The following SLC4A10 variants were observed in gnomAD, a reference collection of about 807,000 sequenced individuals.
The protein encoded by SLC4A10 is sodium-driven chloride bicarbonate exchanger.
SLC4A10 carries 42 observed loss-of-function variants against 137.7 expected under a neutral mutation model. The observed-to-expected ratio is 0.30, with a 90% CI of 0.24 to 0.39. The LOEUF is 0.39. Among genes scored for constraint, SLC4A10 ranks in the 10% least tolerant of loss-of-function variants. The pLI, the probability that SLC4A10 is intolerant of heterozygous loss-of-function variation, is 1.00. For missense variants in SLC4A10, 925 were observed against 1,355.0 expected, an observed-to-expected ratio of 0.68 and a Z score of 4.98; for synonymous variants, 474 against 464.1, an observed-to-expected ratio of 1.02 and a Z score of -0.27.
chr2:161,667,906 T>A (rs898129853), intron 1 of SLC4A10, among the ~76,000 whole-genome samples: 1 of 151,832 alleles, frequency 6.6e-6, no homozygotes, highest in East Asian at 1.9e-4. Context: ...AATTAATTCT[T>A]GTTTAAAATA....
At chr2:161,933,114 CTT>C (rs1690720858) in intron 15 of SLC4A10, among the ~76,000 whole-genome samples, 1 of 119,370 alleles carries the variant, frequency 8.4e-6, no homozygotes, top group South Asian at 3.0e-4. Flanking sequence ...CTTTCTTTCT[CTT>C]TCTTTCCTGC....
chr2:161,892,216 C>T (rs151145288), intron 10 of SLC4A10, among the ~76,000 whole-genome samples: 2 of 152,056 alleles, frequency 1.3e-5, no homozygotes, highest in East Asian at 1.9e-4. Context: ...AATGTGATCT[C>T]GCAAAGCAGT....
intron 1 of SLC4A10, among the ~76,000 whole-genome samples, chr2:161,692,264 T>C (rs1055434162): frequency 2.0e-5 from 3 of 152,142 alleles, no homozygotes; most frequent in South Asian, 2.1e-4. Context: ...TTTATGTAGA[T>C]ATATAGAAAT....
intron 1 of SLC4A10, among the ~76,000 whole-genome samples, chr2:161,759,225 A>G (rs1388253587): frequency 2.6e-5 from 4 of 151,986 alleles, no homozygotes; most frequent in African/African-American, 9.7e-5. Flanking sequence ...AACTGTGTAT[A>G]TTCAAGGTGT....
chr2:161,733,861 G>A (rs887283868), intron 1 of SLC4A10, among the ~76,000 whole-genome samples: 2 of 152,202 alleles, frequency 1.3e-5, no homozygotes, highest in African/African-American at 2.4e-5. Context: ...TGACCTGGAT[G>A]TGAGACATGG....
rs140528716 is a variant in SLC4A10 at position 161,693,405 on chromosome 2, A to G, written c.48+68839A>G. ...ATAAAAGTGATGGTTAAAAGTATGG[A>G]TCTGAAATTTCAGGTTTAAACTGTT... On this transcript the variant is annotated intron_variant, in intron 1 of 26. Transcript: ENST00000446997. 5.3e-5 allele frequency among the ~76,000 whole-genome samples: 8 copies of G among 152,206 alleles called. No homozygotes were observed. The East Asian group carries it at 1.4e-3, about 26-fold the overall frequency.
In SLC4A10 at chr2:161,839,852, C is replaced by A; in HGVS notation, c.341C>A (p.Pro114His). ...GTEDDDEEHI[P>H]HDLFTELDEI... ...GAGGATGATGACGAGGAACACATTC[C>A]TCATGACCTTTTCACAGAACTGGAT... Residue 114 changes from proline to histidine, a missense_variant, in exon 4 of 27, where the codon CCT becomes CAT. Around this residue, in one of 11 missense-constraint regions of SLC4A10, gnomAD observed 138 missense variants for 171.3 expected, o/e 0.81. Coordinates refer to ENST00000446997, the MANE Select transcript of SLC4A10 (RefSeq NM_001178015.2). 3.1e-6 allele frequency: 5 copies of A among 1,613,886 alleles called. No individual in the cohort carries two copies. Among genetic ancestry groups the A allele is most frequent in the Non-Finnish European group, 4.2e-6 (5 of 1,179,860 alleles).
chr2:161,872,087 T>C (rs569766866), intron 6 of SLC4A10, among the ~76,000 whole-genome samples: 4 of 152,184 alleles, frequency 2.6e-5, no homozygotes, highest in African/African-American at 7.2e-5. Flanking sequence ...TATGTTTATT[T>C]TTTACTGAAT....
intron 1 of SLC4A10, among the ~76,000 whole-genome samples, chr2:161,767,137 A>G (rs372170915): frequency 0.16 from 13,970 of 85,444 alleles, 1,350 homozygotes; most frequent in African/African-American, 0.27. Context: ...ATATATATAT[A>G]TATGTGTGTG....
At chr2:161,977,611 A>G (rs1699587840) in intron 25 of SLC4A10, 111 bp from the exon 26 acceptor site, 1 of 832,758 alleles carries the variant, frequency 1.2e-6, no homozygotes, top group South Asian at 2.0e-5. Context: ...TTTGTTAGAG[A>G]GTGATTGAGG....
chr2:161,779,683 T>G (rs1342243542), intron 2 of SLC4A10, among the ~76,000 whole-genome samples: 1 of 151,996 alleles, frequency 6.6e-6, no homozygotes, highest in Non-Finnish European at 1.5e-5. Context: ...GTCCTCTACT[T>G]TCTAATATTT....
At chr2:161,786,952 A>G (rs1363084583) in intron 2 of SLC4A10, among the ~76,000 whole-genome samples, 2 of 148,856 alleles carry the variant, frequency 1.3e-5, no homozygotes, top group African/African-American at 4.9e-5. Context: ...TAATTGCTTT[A>G]TAGGATCTTT....
At chr2:161,695,508 A>G (rs1449922072) in intron 1 of SLC4A10, among the ~76,000 whole-genome samples, 1 of 152,146 alleles carries the variant, frequency 6.6e-6, no homozygotes, top group East Asian at 1.9e-4. Context: ...TTACACTGAT[A>G]TCAACTCTTA....
chr2:161,888,795 G>A (rs543852389), intron 10 of SLC4A10, among the ~76,000 whole-genome samples: 2 of 152,226 alleles, frequency 1.3e-5, no homozygotes, highest in South Asian at 4.1e-4. Flanking sequence ...TTCCCTGGTT[G>A]TCCTGGCCAG....
At chr2:161,708,625 T>C (rs1022421768) in intron 1 of SLC4A10, 25 of 1,417,988 alleles carry the variant, frequency 1.8e-5, no homozygotes, top group East Asian at 2.5e-5. Flanking sequence ...TATATGTGAT[T>C]TGATATCTTG....
At chr2:161,843,771 C>T (rs2059333759) in intron 4 of SLC4A10, among the ~76,000 whole-genome samples, 1 of 151,950 alleles carries the variant, frequency 6.6e-6, no homozygotes, top group Non-Finnish European at 1.5e-5. Flanking sequence ...ATTAGTATTC[C>T]AGATGGGATT....
At chr2:161,809,469 G>T (rs1443608773) in intron 3 of SLC4A10, among the ~76,000 whole-genome samples, 2 of 152,046 alleles carry the variant, frequency 1.3e-5, no homozygotes. Context: ...GTTGGGAAGG[G>T]TATTTCCTAA....
chr2:161,796,232 A>G (rs62190670), intron 2 of SLC4A10, among the ~76,000 whole-genome samples: 10,114 of 152,222 alleles, frequency 0.066, 441 homozygotes, highest in East Asian at 0.15. Context: ...TTCCAAACGC[A>G]GTGGCTTCAA....
chr2:161,983,278 G>A lies in SLC4A10; in HGVS notation c.*126G>A, dbSNP rs1230199351. On this transcript the variant is annotated 3_prime_UTR_variant, in exon 27 of 27. Coordinates refer to ENST00000446997, the MANE Select transcript of SLC4A10 (RefSeq NM_001178015.2). ...TTCAATTTATTTTTTACATATATAT[G>A]AGAAGAGTGTCACAATTATTAATAA... 1 of 1,512,608 alleles carries A rather than the reference G, an allele frequency of 6.6e-7. No homozygotes were observed. Among genetic ancestry groups the A allele is most frequent in the Non-Finnish European group, 8.9e-7 (1 of 1,127,468 alleles). 93.7% of individuals were successfully genotyped at this position (1,512,608 alleles called of 1,614,324 possible).
Sources: allele counts gnomAD v4.1 joint callset (sites outside exome capture counted in the v4.1 genomes callset), GRCh38; gene constraint gnomAD v4.1.1; regional missense constraint gnomAD v4.1.1; transcripts MANE v1.5; gene names NCBI Gene and HGNC (gene_info 2026-07-23, HGNC 2026-07-21).